The following PRKCA variants were observed in gnomAD, a reference collection of about 807,000 sequenced individuals.
PRKCA encodes the protein protein kinase C alpha type.
In PRKCA, 27 loss-of-function variants were observed where a neutral mutation model predicts 87.0. The observed-to-expected ratio is 0.31, with a 90% CI of 0.23 to 0.43. PRKCA has a LOEUF of 0.43. PRKCA is among the 20% of genes least tolerant of loss of function. The pLI, the probability that PRKCA is intolerant of heterozygous loss-of-function variation, is 1.00. For synonymous variants in PRKCA, 329 were observed against 311.1 expected (o/e 1.06, Z -0.61); for missense variants, 518 against 852.3 (o/e 0.61, Z 4.88).
At chr17:66,467,119 A>G (rs1428722959) in intron 2 of PRKCA, among the ~76,000 whole-genome samples, 1 of 152,166 alleles carries the variant, frequency 6.6e-6, no homozygotes, top group Non-Finnish European at 1.5e-5. Context: ...TGAGCATCTT[A>G]GAGAGGGATG....
At chr17:66,505,359 G>A (rs573947615) in intron 3 of PRKCA, among the ~76,000 whole-genome samples, 8 of 152,164 alleles carry the variant, frequency 5.3e-5, no homozygotes, top group Non-Finnish European at 1.0e-4. Flanking sequence ...TATTTGCCCC[G>A]TTGTCTGCAC....
At chr17:66,642,185 A>C (rs1971313556) in intron 4 of PRKCA, among the ~76,000 whole-genome samples, 1 of 151,522 alleles carries the variant, frequency 6.6e-6, no homozygotes, top group African/African-American at 2.4e-5. Flanking sequence ...GCTAGAGTGC[A>C]GTGGCGCGAT....
intron 2 of PRKCA, among the ~76,000 whole-genome samples, chr17:66,473,414 C>T (rs1340324932): frequency 6.6e-6 from 1 of 152,190 alleles, no homozygotes. Context: ...CCATTTCAGA[C>T]TCTGCCTTCA....
At chr17:66,608,107 G>GAGCACACCGACTGA (rs564044906) in intron 3 of PRKCA, among the ~76,000 whole-genome samples, 8 of 151,978 alleles carry the variant, frequency 5.3e-5, no homozygotes, top group African/African-American at 1.7e-4. Flanking sequence ...ACACCGATTG[G>GAGCACACCGACTGA]AGCACACCGA....
chr17:66,521,548 C>T (rs1393121000), intron 3 of PRKCA, among the ~76,000 whole-genome samples: 1 of 152,130 alleles, frequency 6.6e-6, no homozygotes, highest in East Asian at 1.9e-4. Flanking sequence ...CTAAGAAAGA[C>T]TAAACTGTGA....
At chr17:66,479,677 A>G (rs1428406412) in intron 2 of PRKCA, among the ~76,000 whole-genome samples, 2 of 152,232 alleles carry the variant, frequency 1.3e-5, no homozygotes, top group Admixed American at 1.3e-4. Context: ...TGCAGCCATA[A>G]AAAGGAACGA....
chr17:66,367,545 C>T (rs1052563609), intron 2 of PRKCA, among the ~76,000 whole-genome samples: 2 of 152,230 alleles, frequency 1.3e-5, no homozygotes, highest in Non-Finnish European at 2.9e-5. Context: ...ATGATCTTCT[C>T]AGCCCTTCAG....
At chr17:66,391,132 G>A (rs980561391) in intron 2 of PRKCA, among the ~76,000 whole-genome samples, 2 of 152,144 alleles carry the variant, frequency 1.3e-5, no homozygotes, top group African/African-American at 2.4e-5. Context: ...TGCGTGCTGC[G>A]AGTCCTGAAA....
intron 2 of PRKCA, among the ~76,000 whole-genome samples, chr17:66,413,200 C>T (rs77879454): frequency 0.038 from 5,724 of 152,274 alleles, 146 homozygotes; most frequent in Non-Finnish European, 0.05. Flanking sequence ...ATCACCCCTT[C>T]TCAGGCTCAG....
intron 3 of PRKCA, among the ~76,000 whole-genome samples, chr17:66,509,163 C>CGTGT (rs372457121): frequency 2.2e-5 from 3 of 138,206 alleles, no homozygotes; most frequent in Middle Eastern, 3.8e-3. Flanking sequence ...AGAAAAGGAA[C>CGTGT]GTGTGTGTGT....
At chr17:66,410,106 C>CA (rs745903656) in intron 2 of PRKCA, among the ~76,000 whole-genome samples, 2 of 152,118 alleles carry the variant, frequency 1.3e-5, no homozygotes, top group Non-Finnish European at 2.9e-5. Flanking sequence ...AGGACTGGTT[C>CA]AATATCTCCC....
chr17:66,744,057 T>C (rs1280553373), intron 13 of PRKCA, among the ~76,000 whole-genome samples: 1 of 152,200 alleles, frequency 6.6e-6, no homozygotes, highest in South Asian at 2.1e-4. Flanking sequence ...ATAGTCATTA[T>C]TCCAAAAGGG....
At chr17:66,564,769 C>T (rs1004481899) in intron 3 of PRKCA, among the ~76,000 whole-genome samples, 1 of 152,128 alleles carries the variant, frequency 6.6e-6, no homozygotes, top group East Asian at 1.9e-4. Flanking sequence ...ATCACGAGGT[C>T]GGGAGTTCAA....
intron 2 of PRKCA, among the ~76,000 whole-genome samples, chr17:66,436,087 A>G (rs930501971): frequency 2.0e-5 from 3 of 152,200 alleles, no homozygotes; most frequent in African/African-American, 7.2e-5. Flanking sequence ...TTCAGGCATT[A>G]TGGAGAAAAG....
chr17:66,556,274 C>T (rs1968491248), intron 3 of PRKCA, among the ~76,000 whole-genome samples: 1 of 149,184 alleles, frequency 6.7e-6, no homozygotes, highest in East Asian at 2.0e-4. Flanking sequence ...TCATTTAAAA[C>T]AAATGAGTTA....
intron 3 of PRKCA, among the ~76,000 whole-genome samples, chr17:66,572,283 A>G (rs113358514): frequency 0.059 from 8,942 of 152,226 alleles, 336 homozygotes; most frequent in Non-Finnish European, 0.084. Context: ...CCTGCCCAAC[A>G]TGGCAAAACC....
intron 2 of PRKCA, among the ~76,000 whole-genome samples, chr17:66,453,883 T>C (rs1029815482): frequency 2.0e-5 from 3 of 152,230 alleles, no homozygotes; most frequent in African/African-American, 7.2e-5. Context: ...TCAGATCCAA[T>C]AGCAGGAGCA....
chr17:66,389,937 G>A (rs1164626373), intron 2 of PRKCA, among the ~76,000 whole-genome samples: 2 of 152,224 alleles, frequency 1.3e-5, no homozygotes, highest in Admixed American at 6.5e-5. Context: ...ATAAAATCAT[G>A]AAGAGGCCGG....
intron 3 of PRKCA, among the ~76,000 whole-genome samples, chr17:66,503,092 G>A (rs1916816711): frequency 6.6e-6 from 1 of 152,198 alleles, no homozygotes; most frequent in Non-Finnish European, 1.5e-5. Context: ...TGGATATGTG[G>A]ACATTTGAGA....
Sources: allele counts gnomAD v4.1 joint callset (sites outside exome capture counted in the v4.1 genomes callset), GRCh38; gene constraint gnomAD v4.1.1; transcripts MANE v1.5; gene names NCBI Gene and HGNC (gene_info 2026-07-23, HGNC 2026-07-21).